MRTFB: variants seen among roughly 807,000 people sequenced by gnomAD.
MRTFB encodes the protein myocardin-related transcription factor B.
Under a neutral mutation model 104.2 loss-of-function variants are expected in MRTFB, and 29 were observed. The observed-to-expected ratio is 0.28, with a 90% CI of 0.21 to 0.38. The LOEUF (loss-of-function observed/expected upper bound fraction) is 0.38, where lower values mean the gene tolerates loss of function less well. Ranked by LOEUF, MRTFB falls within the 10% of genes least tolerant of loss-of-function variation. The pLI is 1.00. For missense variants in MRTFB, 1,270 were observed against 1,341.6 expected, an observed-to-expected ratio of 0.95 and a Z score of 0.83; for synonymous variants, 535 against 519.5, an observed-to-expected ratio of 1.03 and a Z score of -0.41.
chr16:14,197,735 T>A (rs187435399), intron 3 of MRTFB, among the ~76,000 whole-genome samples: 59 of 152,272 alleles, frequency 3.9e-4, no homozygotes, highest in Admixed American at 9.8e-4. Flanking sequence ...AATATAGATA[T>A]CTAGCGTGCA....
chr16:14,040,609 C>G, the MRTFB span, among the ~76,000 whole-genome samples: 3 of 151,920 alleles, frequency 2.0e-5, no homozygotes, highest in Admixed American at 2.0e-4. Context: ...ATTACAGGCA[C>G]CTGCCACCAC....
At chr16:14,184,151 C>T (rs138390172) in intron 3 of MRTFB, among the ~76,000 whole-genome samples, 2,502 of 150,670 alleles carry the variant, frequency 0.017, 67 homozygotes, top group African/African-American at 0.056. Flanking sequence ...ATGTAGGCCC[C>T]GGAGCCAAGC....
intron 3 of MRTFB, among the ~76,000 whole-genome samples, chr16:14,204,238 A>G (rs1011409654): frequency 4.6e-5 from 7 of 152,112 alleles, no homozygotes; most frequent in African/African-American, 1.2e-4. Context: ...AGCCTCCCCA[A>G]ACACTGGGAT....
At chr16:14,230,789 A>AC (rs1420288431) in intron 8 of MRTFB, among the ~76,000 whole-genome samples, 2 of 152,088 alleles carry the variant, frequency 1.3e-5, no homozygotes, top group African/African-American at 4.8e-5. Flanking sequence ...CCGGGTATAT[A>AC]CCCAAAGGAC....
At chr16:14,045,565 A>T in the MRTFB span, among the ~76,000 whole-genome samples, 1 of 152,226 alleles carries the variant, frequency 6.6e-6, no homozygotes, top group East Asian at 1.9e-4. Flanking sequence ...AAGAATGTTT[A>T]TATGTGCTGT....
intron 2 of MRTFB, among the ~76,000 whole-genome samples, chr16:14,116,964 GTACTTGGCAAGGAAAGGGATGGA>G (rs1042702541): frequency 2.6e-4 from 39 of 152,276 alleles, no homozygotes; most frequent in Admixed American, 8.5e-4. Context: ...GGGAAGGAGG[GTACTTGGCAAGGAAAGGGATGGA>G]TAGACAGATG....
intron 3 of MRTFB, among the ~76,000 whole-genome samples, chr16:14,188,127 C>T (rs1209712781): frequency 3.9e-5 from 6 of 152,174 alleles, no homozygotes; most frequent in Non-Finnish European, 8.8e-5. Flanking sequence ...ATAAATGACA[C>T]ACAATGAAGT....
intron 8 of MRTFB, among the ~76,000 whole-genome samples, chr16:14,225,080 G>T (rs2041938575): frequency 6.6e-6 from 1 of 152,148 alleles, no homozygotes; most frequent in South Asian, 2.1e-4. Flanking sequence ...CAGCTACTCG[G>T]GAGGCTGAGG....
intron 2 of MRTFB, among the ~76,000 whole-genome samples, chr16:14,112,466 G>A (rs978343694): frequency 2.0e-5 from 3 of 152,324 alleles, no homozygotes; most frequent in South Asian, 2.1e-4. Context: ...GAGCTGGCTC[G>A]CCTCCAAGCC....
At chr16:13,999,044 G>C in the MRTFB span, among the ~76,000 whole-genome samples, 1 of 151,722 alleles carries the variant, frequency 6.6e-6, no homozygotes, top group African/African-American at 2.4e-5. Flanking sequence ...CAAAAAATTA[G>C]CCAGGCGTGG....
intron 2 of MRTFB, among the ~76,000 whole-genome samples, chr16:14,129,290 CTTAT>C (rs146390529): frequency 0.15 from 22,796 of 151,736 alleles, 4,150 homozygotes; most frequent in African/African-American, 0.43. Context: ...ATAAGATTCA[CTTAT>C]TTAAAGTATA....
chr16:14,259,367 A>C (rs1473800293), intron 16 of MRTFB, among the ~76,000 whole-genome samples: 3 of 152,224 alleles, frequency 2.0e-5, no homozygotes, highest in Non-Finnish European at 4.4e-5. Flanking sequence ...TATTTTCTAA[A>C]ATGAGATTTT....
the MRTFB span, among the ~76,000 whole-genome samples, chr16:14,050,909 A>G: frequency 1.5e-3 from 222 of 152,238 alleles, 1 homozygote; most frequent in African/African-American, 5.1e-3. Flanking sequence ...CAAAGATGTC[A>G]TCGAATTCCT....
chr16:14,259,329 T>C lies in MRTFB; in HGVS notation c.2764+1168T>C, dbSNP rs1198830931. Among the ~76,000 whole-genome samples, 6 of 151,838 alleles carry C rather than the reference T, an allele frequency of 4.0e-5. No individual in the cohort carries two copies. In the East Asian group the frequency reaches 1.2e-3, roughly 29 times the overall value. Reference sequence around the variant, plus strand: ...GGTGTGGTGGCAGGCACCTTAAACTTGGAAATTAAAATGTGACACAATCAA... The same window carrying C: ...GGTGTGGTGGCAGGCACCTTAAACTCGGAAATTAAAATGTGACACAATCAA... On this transcript the variant is annotated intron_variant, in intron 16 of 16. Coordinates refer to ENST00000571589, the MANE Select transcript of MRTFB (RefSeq NM_001308142.2).
intron 3 of MRTFB, among the ~76,000 whole-genome samples, chr16:14,158,554 C>A (rs1485168644): frequency 6.6e-6 from 1 of 151,774 alleles, no homozygotes; most frequent in Non-Finnish European, 1.5e-5. Flanking sequence ...AGTGCTATTA[C>A]AATAGAAAAA....
chr16:14,027,101 A>G, the MRTFB span, among the ~76,000 whole-genome samples: 1 of 152,242 alleles, frequency 6.6e-6, no homozygotes, highest in African/African-American at 2.4e-5. Context: ...AAACCGGTAC[A>G]TGAATATTCA....
intron 8 of MRTFB, among the ~76,000 whole-genome samples, chr16:14,225,310 A>C (rs982736197): frequency 1.3e-5 from 2 of 152,368 alleles, no homozygotes; most frequent in African/African-American, 4.8e-5. Context: ...TTACAAATCT[A>C]TGTTAATGGC....
At chr16:14,037,251 C>T in the MRTFB span, among the ~76,000 whole-genome samples, 35 of 152,110 alleles carry the variant, frequency 2.3e-4, no homozygotes, top group African/African-American at 4.3e-4. Context: ...TTTAATTGAT[C>T]GATGGTTCCT....
In MRTFB at chr16:14,089,835, G is replaced by A. The variant is rs551136395; in HGVS notation, c.-64+10481G>A. ...TGTTTTTCGTAGTAGCCATCCTAAT[G>A]AATGTGAAGTGGTGTCTCATGATTT... On this transcript the variant is annotated intron_variant, in intron 2 of 16. Coordinates refer to ENST00000571589, the MANE Select transcript of MRTFB (RefSeq NM_001308142.2). 2.1e-3 allele frequency among the ~76,000 whole-genome samples: 324 copies of A among 152,274 alleles called. 1 individual carries two copies. Among genetic ancestry groups the A allele is most frequent in the African/African-American group, 7.5e-3 (312 of 41,540 alleles).
Sources: gnomAD v4.1 joint callset for allele counts (sites outside exome capture counted in the v4.1 genomes callset) on GRCh38, gnomAD v4.1.1 for gene constraint, MANE v1.5 for transcripts, NCBI Gene and HGNC (gene_info 2026-07-23, HGNC 2026-07-21) for gene names.